DCC: variants seen among roughly 807,000 people sequenced by gnomAD.
DCC encodes the protein netrin receptor DCC.
Under a neutral mutation model 172.5 loss-of-function variants are expected in DCC, and 58 were observed. The observed-to-expected ratio is 0.34, with a 90% CI of 0.27 to 0.42. DCC has a LOEUF of 0.42. DCC is among the 10% of genes least tolerant of loss of function. The pLI is 1.00. For synonymous variants in DCC, 709 were observed against 644.5 expected (o/e 1.10, Z -1.52); for missense variants, 1,740 against 1,791.0 (o/e 0.97, Z 0.51).
chr18:52,920,476 T>C (rs1358570008), intron 3 of DCC, among the ~76,000 whole-genome samples: 1 of 151,132 alleles, frequency 6.6e-6, no homozygotes, highest in Non-Finnish European at 1.5e-5. Context: ...AATTGCAACT[T>C]AAAACATCTA....
chr18:53,342,089 T>G (rs2057665896), intron 15 of DCC, among the ~76,000 whole-genome samples: 1 of 152,054 alleles, frequency 6.6e-6, no homozygotes, highest in African/African-American at 2.4e-5. Flanking sequence ...TATATTAAAC[T>G]ATAAAAAAGC....
chr18:53,062,174 A>G (rs906574031), intron 5 of DCC, among the ~76,000 whole-genome samples: 18 of 152,130 alleles, frequency 1.2e-4, no homozygotes, highest in Admixed American at 9.8e-4. Context: ...ATCATTCAGT[A>G]GGAAAAATCA....
chr18:52,563,619 C>T (rs2033089603), intron 1 of DCC, among the ~76,000 whole-genome samples: 2 of 152,074 alleles, frequency 1.3e-5, no homozygotes, highest in Admixed American at 1.3e-4. Context: ...GGTGACTATG[C>T]CTTTTTGCAT....
At chr18:52,796,850 T>A (rs906010272) in intron 2 of DCC, among the ~76,000 whole-genome samples, 1 of 152,186 alleles carries the variant, frequency 6.6e-6, no homozygotes, top group Non-Finnish European at 1.5e-5. Flanking sequence ...TCTAGATGTC[T>A]ATATGTTTTT....
intron 1 of DCC, among the ~76,000 whole-genome samples, chr18:52,483,492 T>C (rs2030058237): frequency 6.6e-6 from 1 of 152,110 alleles, no homozygotes; most frequent in Non-Finnish European, 1.5e-5. Context: ...ATTTTACTTA[T>C]AAATATTATT....
At chr18:52,777,774 A>AAAAAAAT (rs754033374) in intron 2 of DCC, among the ~76,000 whole-genome samples, 6,168 of 152,184 alleles carry the variant, frequency 0.041, 208 homozygotes, top group South Asian at 0.16. Flanking sequence ...TCCAGGGAAA[A>AAAAAAAT]AAAAAGATTT....
At chr18:53,395,627 A>G (rs895149411) in intron 17 of DCC, among the ~76,000 whole-genome samples, 1 of 152,056 alleles carries the variant, frequency 6.6e-6, no homozygotes, top group Non-Finnish European at 1.5e-5. Context: ...TTTAGGGCAT[A>G]TATTTTTACA....
intron 12 of DCC, among the ~76,000 whole-genome samples, chr18:53,261,391 T>G (rs1057391624): frequency 2.0e-5 from 3 of 152,160 alleles, no homozygotes; most frequent in African/African-American, 7.2e-5. Flanking sequence ...TGCACTAGCA[T>G]CAGGGGAGAG....
intron 1 of DCC, among the ~76,000 whole-genome samples, chr18:52,630,046 A>G (rs1293534736): frequency 6.6e-6 from 1 of 151,702 alleles, no homozygotes; most frequent in African/African-American, 2.4e-5. Context: ...GAACCCAGGA[A>G]GTAGAGGTTG....
intron 15 of DCC, among the ~76,000 whole-genome samples, chr18:53,365,271 G>A (rs1599069250): frequency 6.9e-6 from 1 of 144,664 alleles, no homozygotes; most frequent in East Asian, 2.0e-4. Flanking sequence ...TTTTAAGGCT[G>A]CATAGTATTC....
At chr18:53,185,355 G>A (rs1395048993) in intron 9 of DCC, among the ~76,000 whole-genome samples, 3 of 152,116 alleles carry the variant, frequency 2.0e-5, no homozygotes, top group Admixed American at 2.0e-4. Context: ...GTGAGTCACT[G>A]TGTTCTTTCT....
chr18:53,326,693 A>G (rs1029964354), intron 14 of DCC, among the ~76,000 whole-genome samples: 3 of 152,194 alleles, frequency 2.0e-5, no homozygotes, highest in African/African-American at 7.2e-5. Flanking sequence ...GGTATAAATG[A>G]CTTGCACCAA....
intron 2 of DCC, among the ~76,000 whole-genome samples, chr18:52,775,159 GT>G (rs2037407028): frequency 6.6e-6 from 1 of 152,090 alleles, no homozygotes; most frequent in South Asian, 2.1e-4. Flanking sequence ...AACGGGAAAG[GT>G]TCGCCTGTCC....
intron 15 of DCC, among the ~76,000 whole-genome samples, chr18:53,382,272 T>A (rs1907821498): frequency 6.6e-6 from 1 of 152,140 alleles, no homozygotes; most frequent in Admixed American, 6.5e-5. Context: ...GTTTACATTT[T>A]TGGTGCATAG....
At chr18:52,508,079 G>A (rs1176906308) in intron 1 of DCC, among the ~76,000 whole-genome samples, 1 of 148,334 alleles carries the variant, frequency 6.7e-6, no homozygotes, top group Non-Finnish European at 1.5e-5. Flanking sequence ...CAGCCTGGGT[G>A]ACAGAGCAAG....
chr18:52,974,651 A>G (rs558686355), intron 5 of DCC, among the ~76,000 whole-genome samples: 3 of 152,322 alleles, frequency 2.0e-5, no homozygotes, highest in African/African-American at 7.2e-5. Flanking sequence ...CCACGTTGTA[A>G]GGAGAATCTA....
chr18:53,270,740 C>T (rs1337424325), intron 12 of DCC, among the ~76,000 whole-genome samples: 2 of 152,058 alleles, frequency 1.3e-5, no homozygotes, highest in African/African-American at 4.8e-5. Context: ...GGGCCCTAAC[C>T]TATGTAGATT....
chr18:52,612,630 C>T (rs2034296550), intron 1 of DCC, among the ~76,000 whole-genome samples: 1 of 152,158 alleles, frequency 6.6e-6, no homozygotes, highest in African/African-American at 2.4e-5. Flanking sequence ...CTGTCTTGCT[C>T]TCTGGACTCT....
At chr18:53,323,477 G>A (rs948781424) in intron 14 of DCC, among the ~76,000 whole-genome samples, 12 of 152,182 alleles carry the variant, frequency 7.9e-5, no homozygotes, top group Admixed American at 3.9e-4. Context: ...GCTGAGCTTT[G>A]ATACAATAAT....
Sources: allele counts gnomAD v4.1 joint callset (sites outside exome capture counted in the v4.1 genomes callset), GRCh38; gene constraint gnomAD v4.1.1; transcripts MANE v1.5; gene names NCBI Gene and HGNC (gene_info 2026-07-23, HGNC 2026-07-21).